Variants in TBCD observed in about 807,000 individuals in gnomAD.
TBCD encodes tubulin folding cofactor D, also known as tubulin-specific chaperone D.
A neutral mutation model predicts 169.3 loss-of-function variants in TBCD; 105 were observed. That is an observed-to-expected ratio of 0.62 (90% CI 0.53 to 0.73). The LOEUF is 0.73. Among genes scored for constraint, TBCD ranks in the 30% least tolerant of loss-of-function variants. The pLI, the probability that TBCD is intolerant of heterozygous loss-of-function variation, is 0.00. For synonymous variants in TBCD, 700 were observed against 643.9 expected, an observed-to-expected ratio of 1.09 and a Z score of -1.32; for missense variants, 1,444 against 1,600.1, an observed-to-expected ratio of 0.90 and a Z score of 1.66.
chr17:82,909,383 G>A, intron 22 of TBCD, 76 bp downstream of exon 22: 1 of 1,277,868 alleles, frequency 7.8e-7, no homozygotes, highest in Non-Finnish European at 1.1e-6. Context: ...GGCGGGGCGG[G>A]TGTGTTCGCT....
chr17:82,875,415 G>C lies in TBCD; in HGVS notation c.1475+5035G>C, dbSNP rs1016633629. 7.2e-5 allele frequency among the ~76,000 whole-genome samples: 11 copies of C among 152,198 alleles called. No individual in the cohort carries two copies. In the South Asian group the frequency reaches 1.2e-3, roughly 17 times the overall value. Reference sequence around the variant, plus strand: ...GTAATCACAGTCTAATTTGCAAGAAGGAAAAGAAAGCCGAGCCCTACGCTG... The same window carrying C: ...GTAATCACAGTCTAATTTGCAAGAACGAAAAGAAAGCCGAGCCCTACGCTG... On this transcript the variant is annotated intron_variant, in intron 14 of 38. Transcript: ENST00000355528.
In TBCD at chr17:82,884,300, C is replaced by A; in HGVS notation, c.1533+98C>A. 3 of 1,188,818 alleles carry A rather than the reference C, an allele frequency of 2.5e-6. No homozygotes were observed. The highest frequency in any genetic ancestry group is 1.5e-5 in the African/African-American group (1 of 66,016). The allele number at this position is 1,188,818 out of a possible 1,614,324, so 73.6% of individuals were successfully genotyped here. A position where few individuals can be genotyped will look rare whatever the true frequency, so the allele number is the denominator to read the frequency against. On this transcript the variant is annotated intron_variant, in intron 15 of 38. Coordinates refer to ENST00000355528, the MANE Select transcript of TBCD (RefSeq NM_005993.5). This position sits in a 1 kb window ranked among gnomAD's most constrained non-coding sequence, Gnocchi z 4.2. ...TGCACTGCTGCCTGGCCAGCTCACC[C>A]ATCCACAGCAGGAGCCGCGAGGGAG... is the stretch of plus-strand genomic sequence containing the variant.
chr17:82,772,621 C>A, intron 6 of TBCD, 114 bp downstream of exon 6: 1 of 1,147,282 alleles, frequency 8.7e-7, no homozygotes, highest in Non-Finnish European at 1.3e-6. Flanking sequence ...CCCGGGAAGT[C>A]TTTGGACTCT....
chr17:82,857,321 T>G (rs2056394827), intron 13 of TBCD, among the ~76,000 whole-genome samples: 1 of 152,268 alleles, frequency 6.6e-6, no homozygotes, highest in African/African-American at 2.4e-5. Flanking sequence ...GTCCTTTTGT[T>G]GTTGAGTTGT....
chr17:82,781,839 T>G, intron 7 of TBCD, 118 bp downstream of exon 7: 1 of 1,479,662 alleles, frequency 6.8e-7, no homozygotes, highest in African/African-American at 1.4e-5. Flanking sequence ...GTGGGATTGA[T>G]TTAACCGGGC....
intron 13 of TBCD, chr17:82,858,508 A>G (rs1297556866): frequency 1.5e-5 from 14 of 935,570 alleles, no homozygotes; most frequent in Non-Finnish European, 1.4e-5. Flanking sequence ...TACAGGTACT[A>G]CGGCTGGAGG....
At chr17:82,758,259 G>A (rs912503268) in intron 2 of TBCD, among the ~76,000 whole-genome samples, 2 of 150,936 alleles carry the variant, frequency 1.3e-5, no homozygotes, top group African/African-American at 4.9e-5. Context: ...TGTGGTGCAC[G>A]CCTGTAATCC....
At chr17:82,798,585 T>C (rs2050276502) in intron 8 of TBCD, among the ~76,000 whole-genome samples, 1 of 151,744 alleles carries the variant, frequency 6.6e-6, no homozygotes, top group Admixed American at 6.6e-5. Context: ...TTTGTCACTT[T>C]CCTAGTCCTT....
intron 25 of TBCD, among the ~76,000 whole-genome samples, chr17:82,921,967 G>A (rs548089295): frequency 4.6e-5 from 7 of 152,306 alleles, no homozygotes; most frequent in African/African-American, 1.4e-4. Flanking sequence ...ACCTCTGCTC[G>A]CACACATTGA....
chr17:82,814,348 A>G (rs976873680), intron 12 of TBCD, among the ~76,000 whole-genome samples: 1 of 152,168 alleles, frequency 6.6e-6, no homozygotes, highest in East Asian at 1.9e-4. Flanking sequence ...GAGCGACACC[A>G]CTGTGGTGGG....
chr17:82,930,254 G>T lies in TBCD; in HGVS notation c.2992-268G>T. 2 of 476,032 alleles carry T rather than the reference G, an allele frequency of 4.2e-6. No individual in the cohort carries two copies. Among genetic ancestry groups the T allele is most frequent in the African/African-American group, 2.0e-5 (1 of 50,206 alleles). The allele number at this position is 476,032 out of a possible 1,614,324, so 29.5% of individuals were successfully genotyped here. A position where few individuals can be genotyped will look rare whatever the true frequency, so the allele number is the denominator to read the frequency against. ...TGAGCGAAACCCAAGGTGAGTGGCC[G>T]CAGCCTTTCGTCACGTGCTCTCCCG... is the stretch of plus-strand genomic sequence containing the variant. On this transcript the variant is annotated intron_variant, in intron 32 of 38. Transcript: ENST00000355528. This position sits in a 1 kb window ranked among gnomAD's most constrained non-coding sequence, Gnocchi z 5.2.
intron 7 of TBCD, among the ~76,000 whole-genome samples, chr17:82,783,649 A>C (rs1482703838): frequency 6.6e-6 from 1 of 152,222 alleles, no homozygotes; most frequent in Non-Finnish European, 1.5e-5. Flanking sequence ...GATGTGTCCA[A>C]GGTTCATCTG....
chr17:82,895,929 T>G (rs1326351236), intron 17 of TBCD: 1 of 152,158 alleles, frequency 6.6e-6, no homozygotes, highest in Non-Finnish European at 1.5e-5. Context: ...CACTCTCCTG[T>G]TCATCATCAC....
chr17:82,865,047 T>C (rs1398983503), intron 13 of TBCD, among the ~76,000 whole-genome samples: 1 of 152,222 alleles, frequency 6.6e-6, no homozygotes, highest in Non-Finnish European at 1.5e-5. Flanking sequence ...TGCAGGCAGC[T>C]GAGGGCCTCT....
At chr17:82,888,985 G>A (rs1263895564) in intron 15 of TBCD, among the ~76,000 whole-genome samples, 1 of 152,198 alleles carries the variant, frequency 6.6e-6, no homozygotes, top group Non-Finnish European at 1.5e-5. Flanking sequence ...CTGAGAACTC[G>A]GAGCCCGGGT....
rs752247399 is a variant in TBCD at position 82,909,302 on chromosome 17, A to G, written c.2001A>G (p.Leu667=). The change falls in exon 22 of 39, where the codon TTA becomes TTG. Residue 667 remains leucine (L), a synonymous_variant. Transcript: ENST00000355528. The part of the protein sequence containing the change: ...QIHQQLYDRQ[L]YRGLGGQLMR... ...ATTTTCAGCTCTATGATCGTCAGTT[A>G]TACAGGTGAGCTTTACAAAACCAAA... 5 of 1,523,794 alleles carry G rather than the reference A, an allele frequency of 3.3e-6. No homozygotes were observed. The East Asian group carries it at 1.2e-4, about 37-fold the overall frequency. The allele number at this position is 1,523,794 out of a possible 1,614,324, so 94.4% of individuals were successfully genotyped here. A position where few individuals can be genotyped will look rare whatever the true frequency, so the allele number is the denominator to read the frequency against.
At chr17:82,877,478 TA>T (rs1238185731) in intron 14 of TBCD, among the ~76,000 whole-genome samples, 3 of 152,156 alleles carry the variant, frequency 2.0e-5, no homozygotes, top group Admixed American at 2.0e-4. Context: ...TAGCTGGGAT[TA>T]CAGGTGCGCA....
intron 36 of TBCD, 100 bp from the exon 37 acceptor site, chr17:82,939,267 C>T (rs985150350): frequency 3.3e-5 from 30 of 910,774 alleles, no homozygotes; most frequent in African/African-American, 2.0e-4. Flanking sequence ...CTCCTCCTGA[C>T]GCCTTCCACT....
In TBCD at chr17:82,941,408, G is replaced by A; in HGVS notation, c.3489G>A (p.Glu1163=). 1 of 1,595,338 alleles carries A rather than the reference G, an allele frequency of 6.3e-7. No homozygotes were observed. Among genetic ancestry groups the A allele is most frequent in the Non-Finnish European group, 8.5e-7 (1 of 1,174,884 alleles). ...CTCCCTCTCCTCACAGGGACGCGGA[G>A]CTTGCAGTGGTGAGAGAGCAGCGCA... The part of the protein sequence containing the change: ...TVLSDTAWDA[E]LAVVREQRNR... Residue 1163 remains glutamate (E), a synonymous_variant, in exon 38 of 39, where the codon GAG becomes GAA. Transcript: ENST00000355528.
Sources: gnomAD v4.1 joint callset for allele counts (sites outside exome capture counted in the v4.1 genomes callset) on GRCh38, gnomAD v4.1.1 for gene constraint, Gnocchi (gnomAD v3.1) non-coding constraint, MANE v1.5 for transcripts, NCBI Gene and HGNC (gene_info 2026-07-23, HGNC 2026-07-21) for gene names.